The following PFKFB2 variants were observed in gnomAD, a reference collection of about 807,000 sequenced individuals.
PFKFB2 encodes the protein 6-phosphofructo-2-kinase/fructose-2,6-bisphosphatase 2.
In PFKFB2, 53 loss-of-function variants were observed where a neutral mutation model predicts 68.0. That is an observed-to-expected ratio of 0.78 (90% CI 0.63 to 0.98). The LOEUF is 0.98. Among genes scored for constraint, PFKFB2 ranks in the 50% least tolerant of loss-of-function variants. The pLI, the probability that PFKFB2 is intolerant of heterozygous loss-of-function variation, is 0.00. For missense variants in PFKFB2, 451 were observed against 642.0 expected (o/e 0.70, Z 3.22); for synonymous variants, 222 against 227.6 (o/e 0.98, Z 0.22).
intron 2 of PFKFB2, chr1:207,045,204 T>C (rs1160345746): frequency 6.6e-6 from 1 of 152,440 alleles, no homozygotes; most frequent in African/African-American, 2.4e-5. Context: ...GGATCGAATC[T>C]TTTAGAAATT....
Position 207,070,482 on chromosome 1 carries a change from TG to T in PFKFB2, c.1222+76del. ...GGACTTGCAGTGGCACCAGGATTCC[TG>T]GGAAACAGACCTCCCTGTCTCCACT... is the stretch of plus-strand genomic sequence containing the variant. On this transcript the variant is annotated intron_variant, in intron 12 of 14. Coordinates refer to ENST00000367080, the MANE Select transcript of PFKFB2 (RefSeq NM_006212.2). This position sits in a 1 kb window ranked among gnomAD's most constrained non-coding sequence, Gnocchi z 4.2. 1 of 1,534,192 alleles carries T rather than the reference TG, an allele frequency of 6.5e-7. No homozygotes were observed. Among genetic ancestry groups the T allele is most frequent in the Non-Finnish European group, 8.9e-7 (1 of 1,123,030 alleles).
intron 2 of PFKFB2, chr1:207,045,339 GA>G (rs1334031346): frequency 1.3e-5 from 2 of 152,442 alleles, no homozygotes; most frequent in Non-Finnish European, 2.9e-5. Context: ...AATAGTTACT[GA>G]AATTGAGTTC....
At position 207,076,252 on chromosome 1, in the gene PFKFB2, C is replaced by CTTTT; in HGVS notation, c.*3894_*3897dup. The CTTTT allele has an allele frequency of 6.9e-6, 6 of 870,254 alleles. No homozygotes were observed. Among genetic ancestry groups the CTTTT allele is most frequent in the Non-Finnish European group, 8.1e-6 (6 of 738,468 alleles). The allele number at this position is 870,254 out of a possible 1,614,324, so 53.9% of individuals were successfully genotyped here. A position where few individuals can be genotyped will look rare whatever the true frequency, so the allele number is the denominator to read the frequency against. On this transcript the variant is annotated 3_prime_UTR_variant, in exon 15 of 15. Coordinates refer to ENST00000367080, the MANE Select transcript of PFKFB2 (RefSeq NM_006212.2). ...AATTCATCTATGTTACTTTTTTTTT[C>CTTTT]TTTTTTTTTTTTTTTTATGAGCAGG...
At position 207,075,298 on chromosome 1, in the gene PFKFB2, C is replaced by T. The variant is rs1000226657; in HGVS notation, c.*2927C>T. 8 of 985,254 alleles carry T rather than the reference C, an allele frequency of 8.1e-6. No homozygotes were observed. The highest frequency in any genetic ancestry group is 6.1e-5 in the Admixed American group (1 of 16,262). 61.0% of individuals were successfully genotyped at this position (985,254 alleles called of 1,614,324 possible). On this transcript the variant is annotated 3_prime_UTR_variant, in exon 15 of 15. Transcript: ENST00000367080. ...GAAGAGGAGCTGAGGTGGTCTTATC[C>T]TCAGATAGGACATGAGAAATTGGAA...
chr1:207,066,204 T>C (rs1251263249), intron 8 of PFKFB2, among the ~76,000 whole-genome samples: 2 of 152,152 alleles, frequency 1.3e-5, no homozygotes, highest in Non-Finnish European at 2.9e-5. Flanking sequence ...TAACTTGTCA[T>C]GTGTGAGGTA....
downstream of PFKFB2, chr1:207,080,777 A>G (rs989535466): frequency 2.6e-5 from 4 of 152,086 alleles, no homozygotes; most frequent in African/African-American, 9.7e-5. Context: ...CTAATGTCAT[A>G]TTAACTTAAG....
intron 1 of PFKFB2, among the ~76,000 whole-genome samples, chr1:207,054,211 G>A (rs1193194247): frequency 6.6e-6 from 1 of 151,926 alleles, no homozygotes; most frequent in Non-Finnish European, 1.5e-5. Flanking sequence ...CTCACTGTTT[G>A]CAAAACTGAG....
In PFKFB2 at chr1:207,070,332, G is replaced by T; in HGVS notation, c.1145G>T (p.Arg382Leu). 6.2e-7 allele frequency: 1 copy of T among 1,613,918 alleles called. No individual in the cohort carries two copies. Among genetic ancestry groups the T allele is most frequent in the Non-Finnish European group, 8.5e-7 (1 of 1,179,990 alleles). The change falls in exon 12 of 15, where the codon CGT becomes CTT. Residue 382 changes from arginine to leucine, a missense_variant. Transcript: ENST00000367080. The surrounding 1 kb of genome is among the most constrained non-coding windows in gnomAD (Gnocchi z 4.2). ...GAGCCTGTCATCATGGAGCTGGAACGTCAGGGCAATGTCCTCGTCATCTCC... is the reference window on the plus strand; with the variant it reads ...GAGCCTGTCATCATGGAGCTGGAACTTCAGGGCAATGTCCTCGTCATCTCC... Reference protein sequence around the residue: ...RLEPVIMELERQGNVLVISHQ... With the variant: ...RLEPVIMELELQGNVLVISHQ...
rs563461238 is a variant in PFKFB2 at position 207,044,589 on chromosome 1, A to T, written c.-18+2377A>T. On this transcript the variant is annotated intron_variant, in intron 2 of 5. Coordinates refer to the PFKFB2 transcript ENST00000545806. ...GGTTAGTACTTTTAAAAACATATGT[A>T]TAAAAGGGCATCATGGCAAAATGCT... The T allele has an allele frequency of 7.9e-5, 12 of 152,512 alleles. 1 individual carries two copies. Among genetic ancestry groups the T allele is most frequent in the African/African-American group, 2.4e-4 (10 of 41,586 alleles). The allele number at this position is 152,512 out of a possible 1,614,324, so 9.4% of individuals were successfully genotyped here.
chr1:207,064,328 C>G (rs1683216038), intron 7 of PFKFB2, among the ~76,000 whole-genome samples: 1 of 151,874 alleles, frequency 6.6e-6, no homozygotes, highest in Non-Finnish European at 1.5e-5. Context: ...GAGAACATGT[C>G]CAGGGAGGTT....
At position 207,073,130 on chromosome 1, in the gene PFKFB2, C is replaced by A; in HGVS notation, c.*759C>A. On this transcript the variant is annotated 3_prime_UTR_variant, in exon 15 of 15. Transcript: ENST00000367080. ...TAGGGTGAGAGTTCTTGCCTCCTTT[C>A]ATGAGAAACAGTTCTAAGTCTTCGA... The A allele has an allele frequency of 1.0e-6, 1 of 985,506 alleles. No homozygotes were observed. The highest frequency in any genetic ancestry group is 1.2e-6 in the Non-Finnish European group (1 of 829,980). 61.0% of individuals were successfully genotyped at this position (985,506 alleles called of 1,614,324 possible).
At chr1:207,056,484 C>T (rs1682925926) in intron 2 of PFKFB2, among the ~76,000 whole-genome samples, 1 of 151,390 alleles carries the variant, frequency 6.6e-6, no homozygotes, top group Non-Finnish European at 1.5e-5. Context: ...TCTCTGACTA[C>T]ACGATGCCAT....
chr1:207,059,813 A>G (rs1157772890), intron 2 of PFKFB2, among the ~76,000 whole-genome samples: 1 of 152,024 alleles, frequency 6.6e-6, no homozygotes, highest in South Asian at 2.1e-4. Flanking sequence ...AGATCTTTCT[A>G]CATTTATTTC....
chr1:207,079,076 G>A (rs1683702391), downstream of PFKFB2: 1 of 1,439,088 alleles, frequency 6.9e-7, no homozygotes, highest in South Asian at 1.1e-5. Context: ...TGAAAAGCTT[G>A]GGATGTCAGC....
chr1:207,075,352 T>C lies in PFKFB2; in HGVS notation c.*2981T>C. ...GGCAAGCAAGGGCTTCAGCATCCTT[T>C]AGTTTCTAAAGCAAGATCCCTTCAG... On this transcript the variant is annotated 3_prime_UTR_variant, in exon 15 of 15. Transcript: ENST00000367080. 4 of 985,448 alleles carry C rather than the reference T, an allele frequency of 4.1e-6. No homozygotes were observed. The highest frequency in any genetic ancestry group is 4.8e-6 in the Non-Finnish European group (4 of 829,936). 61.0% of individuals were successfully genotyped at this position (985,448 alleles called of 1,614,324 possible).
chr1:207,074,543 A>G lies in PFKFB2; in HGVS notation c.*2172A>G, dbSNP rs576900664. 555 of 985,282 alleles carry G rather than the reference A, an allele frequency of 5.6e-4. No individual in the cohort carries two copies. Among genetic ancestry groups the G allele is most frequent in the Non-Finnish European group, 6.4e-4 (533 of 829,936 alleles). The allele number at this position is 985,282 out of a possible 1,614,324, so 61.0% of individuals were successfully genotyped here. Reference sequence around the variant, plus strand: ...TCCTGACCCCGGGTCCTTTACTCGTATGTCCCAAGTAGGATACCATAGGCA... The same window carrying G: ...TCCTGACCCCGGGTCCTTTACTCGTGTGTCCCAAGTAGGATACCATAGGCA... On this transcript the variant is annotated 3_prime_UTR_variant, in exon 15 of 15. Transcript: ENST00000367080.
Position 207,067,659 on chromosome 1 carries a change from T to C in PFKFB2, c.793T>C (p.Leu265=). The C allele has an allele frequency of 6.2e-7, 1 of 1,613,816 alleles. No homozygotes were observed. The highest frequency in any genetic ancestry group is 8.5e-7 in the Non-Finnish European group (1 of 1,179,964). ...CRHGESEFNL[L]GKIGGDSGLS... is the part of the protein sequence containing the mutation. ...GCATGGAGAAAGCGAGTTCAATCTC[T>C]TGGGGAAGATTGGGGGTGACTCTGG... The change falls in exon 9 of 15, where the codon TTG becomes CTG. Residue 265 remains leucine, a synonymous_variant. Coordinates refer to ENST00000367080, the MANE Select transcript of PFKFB2 (RefSeq NM_006212.2).
At chr1:207,078,698 T>C (rs978261271), downstream of PFKFB2, among the ~76,000 whole-genome samples, 2 of 152,208 alleles carry the variant, frequency 1.3e-5, no homozygotes, top group African/African-American at 2.4e-5. Context: ...ATGTAGCTTA[T>C]GGTCCAGGTC....
At chr1:207,061,880 CA>C in intron 2 of PFKFB2, 72 bp from the exon 3 acceptor site, 8 of 1,377,684 alleles carry the variant, frequency 5.8e-6, no homozygotes, top group Non-Finnish European at 7.2e-6. Context: ...GACTCCGTCT[CA>C]AAAAAACAAA....
Sources: allele counts gnomAD v4.1 joint callset (sites outside exome capture counted in the v4.1 genomes callset), GRCh38; gene constraint gnomAD v4.1.1; non-coding constraint Gnocchi (gnomAD v3.1); transcripts MANE v1.5; gene names NCBI Gene and HGNC (gene_info 2026-07-23, HGNC 2026-07-21).